ATRN: variants seen among roughly 807,000 people sequenced by gnomAD.
The protein encoded by ATRN is attractin-2.
In ATRN, 54 loss-of-function variants were observed where a neutral mutation model predicts 178.7. That is an observed-to-expected ratio of 0.30 (90% CI 0.24 to 0.38). The LOEUF is 0.38. Ranked by LOEUF, ATRN falls within the 10% of genes least tolerant of loss-of-function variation. The probability of loss-of-function intolerance (pLI) is 1.00; values close to 1 mark genes in which losing one functional copy is unlikely to be tolerated. For missense variants in ATRN, 1,443 were observed against 1,815.1 expected (o/e 0.79, Z 3.73); for synonymous variants, 636 against 663.0 (o/e 0.96, Z 0.63).
intron 19 of ATRN, chr20:3,592,559 A>G (rs749729821): frequency 1.4e-4 from 113 of 820,830 alleles, no homozygotes; most frequent in Non-Finnish European, 1.5e-4. Flanking sequence ...AAAAAACATA[A>G]TGAGTACTAT....
At chr20:3,563,119 T>C in intron 9 of ATRN, 90 bp from the exon 10 acceptor site, 1 of 1,190,382 alleles carries the variant, frequency 8.4e-7, no homozygotes, top group Non-Finnish European at 1.2e-6. Flanking sequence ...GGGTCTGAGG[T>C]TAATAAAGTG....
chr20:3,602,341 AT>A (rs2086621501), intron 23 of ATRN, among the ~76,000 whole-genome samples: 1 of 152,086 alleles, frequency 6.6e-6, no homozygotes, highest in South Asian at 2.1e-4. Context: ...AAAAAAAAAA[AT>A]AAAAAAACAC....
intron 20 of ATRN, among the ~76,000 whole-genome samples, chr20:3,595,402 A>G (rs1200066170): frequency 6.6e-6 from 1 of 152,248 alleles, no homozygotes; most frequent in East Asian, 1.9e-4. Flanking sequence ...AAATAACAGT[A>G]GTAATAATGC....
At chr20:3,637,291 C>T (rs538376269) in intron 26 of ATRN, among the ~76,000 whole-genome samples, 55 of 152,232 alleles carry the variant, frequency 3.6e-4, no homozygotes, top group Non-Finnish European at 6.5e-4. Flanking sequence ...ATAGTAGTAG[C>T]GGCTGACGCT....
At chr20:3,573,121 C>G (rs1248539370) in intron 12 of ATRN, among the ~76,000 whole-genome samples, 170 bp downstream of exon 12, 2 of 152,126 alleles carry the variant, frequency 1.3e-5, no homozygotes, top group African/African-American at 4.8e-5. Context: ...TTGTAAACAT[C>G]TCGGATGGGA....
chr20:3,629,141 C>G (rs1156641027), intron 25 of ATRN: 1 of 985,290 alleles, frequency 1.0e-6, no homozygotes, highest in African/African-American at 1.7e-5. Context: ...CCACTCCCCA[C>G]CCCACCAACC....
chr20:3,512,107 A>ATATTTTTTTTTT, intron 1 of ATRN, among the ~76,000 whole-genome samples: 2 of 106,394 alleles, frequency 1.9e-5, no homozygotes, highest in African/African-American at 8.9e-5. Flanking sequence ...ATATATATAT[A>ATATTTTTTTTTT]TTTTTTTTTT....
intron 6 of ATRN, among the ~76,000 whole-genome samples, chr20:3,555,401 C>T (rs2146212936): frequency 6.6e-6 from 1 of 152,154 alleles, no homozygotes; most frequent in East Asian, 1.9e-4. Context: ...ACTGAGTGAG[C>T]ATTACTGTTT....
chr20:3,546,683 G>A (rs1048783862), intron 4 of ATRN, among the ~76,000 whole-genome samples: 15 of 152,010 alleles, frequency 9.9e-5, no homozygotes, highest in African/African-American at 3.6e-4. Context: ...GAGCCACTGC[G>A]CCTGGCCATA....
intron 1 of ATRN, among the ~76,000 whole-genome samples, chr20:3,485,217 T>G (rs952670963): frequency 2.0e-5 from 3 of 152,190 alleles, no homozygotes; most frequent in African/African-American, 7.2e-5. Flanking sequence ...CTTGTAGTAC[T>G]GGTAGCTTGT....
At chr20:3,588,684 G>A (rs1297443106) in intron 18 of ATRN, among the ~76,000 whole-genome samples, 2 of 152,142 alleles carry the variant, frequency 1.3e-5, no homozygotes. Context: ...TAGCAGGGTA[G>A]TACTGGCCTC....
chr20:3,488,343 C>T (rs1288138848), intron 1 of ATRN, among the ~76,000 whole-genome samples: 1 of 152,138 alleles, frequency 6.6e-6, no homozygotes, highest in East Asian at 1.9e-4. Flanking sequence ...CTTAAATCTA[C>T]AGTCCACCTA....
chr20:3,473,342 A>G (rs2084460200), intron 1 of ATRN, among the ~76,000 whole-genome samples: 1 of 152,106 alleles, frequency 6.6e-6, no homozygotes, highest in Admixed American at 6.6e-5. Context: ...GTGAGATGGT[A>G]CTACCTGCGT....
At chr20:3,556,400 G>GT (rs2085876909) in intron 6 of ATRN, among the ~76,000 whole-genome samples, 1 of 152,176 alleles carries the variant, frequency 6.6e-6, no homozygotes, top group African/African-American at 2.4e-5. Flanking sequence ...GAGGCCTCAG[G>GT]TAGTTCTGTG....
At chr20:3,620,247 TTTGTTTTG>T (rs2086886707) in intron 24 of ATRN, among the ~76,000 whole-genome samples, 1 of 114,940 alleles carries the variant, frequency 8.7e-6, no homozygotes, top group Non-Finnish European at 1.9e-5. Context: ...TTTGTTTTGT[TTTGTTTTG>T]TTTTGTTTTG....
In ATRN at chr20:3,559,477, A is replaced by G; in HGVS notation, c.1197A>G (p.Leu399=). 6.2e-7 allele frequency: 1 copy of G among 1,612,756 alleles called. No individual in the cohort carries two copies. The highest frequency in any genetic ancestry group is 8.5e-7 in the Non-Finnish European group (1 of 1,178,820). ...TTAGATATGGTCATTCTTTGGCATT[A>G]TACAAGGTAAAGCATCTCCACTCTG... is the stretch of plus-strand genomic sequence containing the variant. The part of the protein sequence containing the change: ...VVVRYGHSLA[L]YKDKIYMYGG... The change falls in exon 7 of 29, where the codon TTA becomes TTG. Residue 399 remains leucine, a synonymous_variant. Coordinates refer to ENST00000262919, the MANE Select transcript of ATRN (RefSeq NM_139321.3).
chr20:3,544,943 TAA>T (rs979059708), intron 3 of ATRN, among the ~76,000 whole-genome samples: 30 of 152,260 alleles, frequency 2.0e-4, no homozygotes, highest in African/African-American at 6.0e-4. Context: ...GAAAATGCGT[TAA>T]GTTTTATTTG....
intron 1 of ATRN, among the ~76,000 whole-genome samples, chr20:3,479,182 C>T (rs2084581459): frequency 6.6e-6 from 1 of 152,158 alleles, no homozygotes; most frequent in Non-Finnish European, 1.5e-5. Flanking sequence ...TGAGCCACTG[C>T]ACCTGACCCC....
At chr20:3,573,711 G>A (rs1460180723) in intron 12 of ATRN, among the ~76,000 whole-genome samples, 5 of 151,916 alleles carry the variant, frequency 3.3e-5, no homozygotes, top group Non-Finnish European at 5.9e-5. Flanking sequence ...AGCACAATGC[G>A]GTACAGTGAA....
Sources: allele counts gnomAD v4.1 joint callset (sites outside exome capture counted in the v4.1 genomes callset), GRCh38; gene constraint gnomAD v4.1.1; transcripts MANE v1.5; gene names NCBI Gene and HGNC (gene_info 2026-07-23, HGNC 2026-07-21).